Variants in TMCC1 observed in about 807,000 individuals in gnomAD.
The protein encoded by TMCC1 is transmembrane and coiled-coil domains protein 1.
A neutral mutation model predicts 52.4 loss-of-function variants in TMCC1; 15 were observed. The observed-to-expected ratio is 0.29, with a 90% confidence interval of 0.19 to 0.44. TMCC1 has a LOEUF of 0.44. Ranked by LOEUF, TMCC1 falls within the 20% of genes least tolerant of loss-of-function variation. The probability of loss-of-function intolerance (pLI) is 1.00; values close to 1 mark genes in which losing one functional copy is unlikely to be tolerated. For missense variants in TMCC1, 503 were observed against 806.0 expected (o/e 0.62, Z 4.55); for synonymous variants, 279 against 301.9 (o/e 0.92, Z 0.79).
At chr3:129,667,545 G>A (rs1399001286) in intron 5 of TMCC1, among the ~76,000 whole-genome samples, 1 of 152,014 alleles carries the variant, frequency 6.6e-6, no homozygotes, top group Non-Finnish European at 1.5e-5. Context: ...TTGCCTCCTG[G>A]TTTTAACTCT....
At chr3:129,876,683 G>A (rs1043491511) in intron 2 of TMCC1, among the ~76,000 whole-genome samples, 9 of 151,934 alleles carry the variant, frequency 5.9e-5, no homozygotes, top group Non-Finnish European at 1.2e-4. Flanking sequence ...GGCTGGGCGC[G>A]GTGGCTCACG....
chr3:129,705,664 G>T (rs1270574410), intron 4 of TMCC1, among the ~76,000 whole-genome samples: 1 of 148,140 alleles, frequency 6.8e-6, no homozygotes, highest in East Asian at 2.0e-4. Flanking sequence ...GTGCAGTGGC[G>T]CCATCTCGGC....
At chr3:129,866,940 A>C (rs757792191) in intron 2 of TMCC1, 4 of 152,198 alleles carry the variant, frequency 2.6e-5, no homozygotes, top group Non-Finnish European at 4.4e-5. Flanking sequence ...AGAAAAACAA[A>C]TTCTTTATCA....
intron 2 of TMCC1, among the ~76,000 whole-genome samples, chr3:129,839,785 C>T (rs559405648): frequency 5.4e-4 from 82 of 151,838 alleles, no homozygotes; most frequent in South Asian, 1.9e-3. Context: ...CTGGGGAGAC[C>T]GAGGTGAGAG....
intron 4 of TMCC1, among the ~76,000 whole-genome samples, chr3:129,762,557 G>A (rs1310905561): frequency 6.6e-6 from 1 of 152,064 alleles, no homozygotes; most frequent in Non-Finnish European, 1.5e-5. Context: ...GTAGGTCAAG[G>A]CGGGAGAACT....
chr3:129,798,977 G>C (rs2057021853), intron 4 of TMCC1, among the ~76,000 whole-genome samples: 2 of 152,066 alleles, frequency 1.3e-5, no homozygotes, highest in African/African-American at 2.4e-5. Context: ...TATTATATAA[G>C]AACAGATTAA....
chr3:129,827,831 A>G lies in TMCC1; in HGVS notation c.548T>C (p.Leu183Pro), dbSNP rs776564026. The G allele has an allele frequency of 6.2e-7, 1 of 1,613,976 alleles. No individual in the cohort carries two copies. Among genetic ancestry groups the G allele is most frequent in the Non-Finnish European group, 8.5e-7 (1 of 1,179,856 alleles). ...CAAAAAAAAC[L>P]PGEEGTAERI... Reference sequence around the variant, plus strand: ...CTCCGCAGTTCCCTCCTCTCCTGGTAGACATGCAGCAGCAGCAGCAGCAGC... The same window carrying G: ...CTCCGCAGTTCCCTCCTCTCCTGGTGGACATGCAGCAGCAGCAGCAGCAGC... The change falls in exon 4 of 7, where the codon CTA (leucine) becomes CCA (proline). Residue 183 changes from leucine (L) to proline (P), a missense_variant. Around this residue, in one of 7 missense-constraint regions of TMCC1, gnomAD observed 217 missense variants for 297.9 expected, o/e 0.73. Coordinates refer to ENST00000393238, the MANE Select transcript of TMCC1 (RefSeq NM_001017395.5).
intron 2 of TMCC1, among the ~76,000 whole-genome samples, chr3:129,838,445 T>C (rs995678169): frequency 4.7e-5 from 7 of 150,412 alleles, no homozygotes; most frequent in African/African-American, 1.7e-4. Context: ...AAAAAGAAAC[T>C]GAAAATGCCA....
chr3:129,670,542 G>T lies in TMCC1; in HGVS notation c.1299C>A (p.Ala433=), dbSNP rs1411198275. The change falls in exon 5 of 7, where the codon GCC becomes GCA. Residue 433 remains alanine, a synonymous_variant. Coordinates refer to ENST00000393238, the MANE Select transcript of TMCC1 (RefSeq NM_001017395.5). ...CSSATSGSVG[A]NSTTGGIAVG... is the part of the protein sequence containing the mutation. Reference sequence around the variant, plus strand: ...CAGCGATGCCCCCTGTGGTGCTGTTGGCTCCCACTGAGCCTGAAGTGGCAC... The same window carrying T: ...CAGCGATGCCCCCTGTGGTGCTGTTTGCTCCCACTGAGCCTGAAGTGGCAC... The T allele has an allele frequency of 2.0e-5, 32 of 1,614,198 alleles. No individual in the cohort carries two copies. The highest frequency in any genetic ancestry group is 2.7e-5 in the Non-Finnish European group (32 of 1,180,034).
rs186298559 is a variant in TMCC1, at chr3:129,670,752, G to A, written c.1089C>T (p.Gly363=). 5.6e-6 allele frequency: 9 copies of A among 1,614,128 alleles called. No homozygotes were observed. Among genetic ancestry groups the A allele is most frequent in the Admixed American group, 5.0e-5 (3 of 60,020 alleles). ...TCTCTCTGGGCTTTGAGACTACAGC[G>A]CCTGCTGCTGAATGGGTGGCCTGGG... ...SFSQATHSAA[G]AVVSKPREIA... The change falls in exon 5 of 7, where the codon GGC becomes GGT. Residue 363 remains glycine, a synonymous_variant. Coordinates refer to ENST00000393238, the MANE Select transcript of TMCC1 (RefSeq NM_001017395.5).
At chr3:129,700,196 G>A (rs1378076928) in intron 4 of TMCC1, among the ~76,000 whole-genome samples, 1 of 151,806 alleles carries the variant, frequency 6.6e-6, no homozygotes, top group African/African-American at 2.4e-5. Flanking sequence ...GGAACATAGT[G>A]AGACCTTGTC....
chr3:129,888,510 G>GA lies in TMCC1; in HGVS notation c.-435+4983dup, dbSNP rs1372186946. On this transcript the variant is annotated intron_variant, in intron 1 of 6. Coordinates refer to ENST00000393238, the MANE Select transcript of TMCC1 (RefSeq NM_001017395.5). ...AATGACTGATTACAGGACTGGAGCA[G>GA]AAAATATACAAGATGAACCTTAAGA... Among the ~76,000 whole-genome samples, 5 of 152,286 alleles carry GA rather than the reference G, an allele frequency of 3.3e-5. No individual in the cohort carries two copies. In the South Asian group the frequency reaches 8.3e-4, roughly 25 times the overall value.
chr3:129,719,738 G>A (rs1433123937), intron 4 of TMCC1, among the ~76,000 whole-genome samples: 1 of 152,162 alleles, frequency 6.6e-6, no homozygotes, highest in Non-Finnish European at 1.5e-5. Flanking sequence ...GAGAAACTGA[G>A]TATGTTTTAT....
At chr3:129,743,972 A>C (rs2051694240) in intron 4 of TMCC1, among the ~76,000 whole-genome samples, 1 of 152,026 alleles carries the variant, frequency 6.6e-6, no homozygotes, top group Non-Finnish European at 1.5e-5. Flanking sequence ...AATAGTATCT[A>C]ATGAAGCTGT....
chr3:129,667,212 C>T (rs2087535576), intron 5 of TMCC1, among the ~76,000 whole-genome samples: 1 of 139,248 alleles, frequency 7.2e-6, no homozygotes, highest in Admixed American at 7.4e-5. Context: ...CAGCAAGACC[C>T]TGACTCTTAA....
At chr3:129,814,143 T>C (rs1206686556) in intron 4 of TMCC1, among the ~76,000 whole-genome samples, 1 of 152,128 alleles carries the variant, frequency 6.6e-6, no homozygotes, top group Non-Finnish European at 1.5e-5. Flanking sequence ...CTAAAGACAT[T>C]AGGAGAAGAC....
chr3:129,768,292 G>C (rs1336854740), intron 4 of TMCC1, among the ~76,000 whole-genome samples: 9 of 152,158 alleles, frequency 5.9e-5, no homozygotes, highest in Admixed American at 5.9e-4. Context: ...CGAGTATGAA[G>C]ATGTTTCATT....
At chr3:129,847,058 T>C (rs78338764) in intron 2 of TMCC1, 1 of 152,018 alleles carries the variant, frequency 6.6e-6, no homozygotes, top group African/African-American at 2.4e-5. Flanking sequence ...TCCTCGGTCA[T>C]GAAAATTGTT....
chr3:129,732,098 T>C (rs1240488704), intron 4 of TMCC1, among the ~76,000 whole-genome samples: 1 of 152,232 alleles, frequency 6.6e-6, no homozygotes, highest in Non-Finnish European at 1.5e-5. Context: ...CATAGTATGT[T>C]GCAACCTTGC....
Sources: allele counts gnomAD v4.1 joint callset (sites outside exome capture counted in the v4.1 genomes callset), GRCh38; gene constraint gnomAD v4.1.1; regional missense constraint gnomAD v4.1.1; transcripts MANE v1.5; gene names NCBI Gene and HGNC (gene_info 2026-07-23, HGNC 2026-07-21).